The following PML variants were observed in gnomAD, a reference collection of about 807,000 sequenced individuals.
PML encodes the protein PML nuclear body scaffold.
A neutral mutation model predicts 65.2 loss-of-function variants in PML; 28 were observed. That is an observed-to-expected ratio of 0.43 (90% CI 0.32 to 0.59). The LOEUF (loss-of-function observed/expected upper bound fraction) is 0.59. Ranked by LOEUF, PML falls within the 20% of genes least tolerant of loss-of-function variation. The pLI, the probability that PML is intolerant of heterozygous loss-of-function variation, is 0.08. For missense variants in PML, 1,021 were observed against 1,203.4 expected (o/e 0.85, Z 2.24); for synonymous variants, 500 against 508.8 (o/e 0.98, Z 0.23).
Position 74,032,561 on chromosome 15 carries a change from C to T in PML, c.1255-11C>T. The T allele has an allele frequency of 6.2e-7, 1 of 1,614,008 alleles. No homozygotes were observed. Among genetic ancestry groups the T allele is most frequent in the Non-Finnish European group, 8.5e-7 (1 of 1,179,956 alleles). On this transcript the variant is annotated splice_polypyrimidine_tract_variant and intron_variant, in intron 4 of 8. Transcript: ENST00000268058. ...CTAGTCATTTCTGACTCAATTTTCC[C>T]AACTTTGCAGCCCGAGGAGGCAGAG...
intron 7 of PML, chr15:74,036,094 G>T (rs777515480): frequency 6.2e-7 from 1 of 1,613,576 alleles, no homozygotes; most frequent in Non-Finnish European, 8.5e-7. Context: ...CGAATGAATG[G>T]CTATGCATGG....
At chr15:74,041,836 A>G (rs1260397278) in intron 7 of PML, among the ~76,000 whole-genome samples, 1 of 152,248 alleles carries the variant, frequency 6.6e-6, no homozygotes, top group Non-Finnish European at 1.5e-5. Flanking sequence ...CTTTAGCACC[A>G]GGTGACACCA....
chr15:74,021,972 T>C (rs2070854790), intron 2 of PML, among the ~76,000 whole-genome samples: 1 of 152,224 alleles, frequency 6.6e-6, no homozygotes, highest in African/African-American at 2.4e-5. Context: ...CTTTCTTTTT[T>C]TTGAGACGGA....
At chr15:74,033,767 A>C (rs554181762) in intron 6 of PML, 3 of 589,896 alleles carry the variant, frequency 5.1e-6, no homozygotes, top group African/African-American at 3.7e-5. Flanking sequence ...ATAACAGGAA[A>C]CTGGACTCCC....
Position 74,033,404 on chromosome 15 carries a change from C to A in PML, c.1647C>A (p.Ala549=). 1 of 1,612,232 alleles carries A rather than the reference C, an allele frequency of 6.2e-7. No homozygotes were observed. Among genetic ancestry groups the A allele is most frequent in the Non-Finnish European group, 8.5e-7 (1 of 1,178,652 alleles). The part of the protein sequence containing the change: ...LPNSNHVASG[A]GEAEERVVVI... Reference sequence around the variant, plus strand: ...ACAGCAACCACGTGGCCAGTGGCGCCGGGGAGGCAGGTAGGGAGGTGGGTA... The same window carrying A: ...ACAGCAACCACGTGGCCAGTGGCGCAGGGGAGGCAGGTAGGGAGGTGGGTA... The change falls in exon 6 of 9, where the codon GCC becomes GCA. Residue 549 remains alanine, a synonymous_variant. Coordinates refer to ENST00000268058, the MANE Select transcript of PML (RefSeq NM_033238.3).
intron 4 of PML, chr15:74,026,473 A>T (rs1273868993): frequency 6.6e-6 from 1 of 151,770 alleles, no homozygotes; most frequent in Non-Finnish European, 1.5e-5. Context: ...CCCAGCCTAA[A>T]AGCTGACTCT....
intron 2 of PML, among the ~76,000 whole-genome samples, chr15:74,022,256 C>T (rs1306186177): frequency 6.6e-6 from 1 of 152,194 alleles, no homozygotes; most frequent in African/African-American, 2.4e-5. Flanking sequence ...CGCGCCCGGC[C>T]GATTTCTTTC....
In PML at chr15:74,035,593, A is replaced by G; in HGVS notation, c.1710+1063A>G. The G allele has an allele frequency of 6.2e-7, 1 of 1,612,638 alleles. No individual in the cohort carries two copies. Among genetic ancestry groups the G allele is most frequent in the Non-Finnish European group, 8.5e-7 (1 of 1,179,960 alleles). The stretch of plus-strand genomic sequence containing the variant: ...AACCATCCTGCCAATGCCCAGGAAC[A>G]TCCTGCCCAGCTGCAAAGGGGCATC... On this transcript the variant is annotated intron_variant, in intron 7 of 8. Coordinates refer to ENST00000268058, the MANE Select transcript of PML (RefSeq NM_033238.3). The surrounding 1 kb of genome is among the most constrained non-coding windows in gnomAD (Gnocchi z 4.1).
intron 2 of PML, among the ~76,000 whole-genome samples, chr15:73,999,314 G>T (rs149004276): frequency 6.6e-6 from 1 of 152,190 alleles, no homozygotes; most frequent in African/African-American, 2.4e-5. Context: ...CATAGAAGGC[G>T]CTTCTTGGTT....
At chr15:74,034,970 C>T in intron 7 of PML, 1 of 1,478,388 alleles carries the variant, frequency 6.8e-7, no homozygotes, top group African/African-American at 1.4e-5. Context: ...TGACTCCATC[C>T]ATGTAGAAAG....
intron 7 of PML, chr15:74,036,098 T>C (rs770985567): frequency 3.1e-6 from 5 of 1,613,456 alleles, no homozygotes; most frequent in East Asian, 2.2e-5. Flanking sequence ...TGAATGGCTA[T>C]GCATGGACCT....
intron 7 of PML, among the ~76,000 whole-genome samples, chr15:74,040,694 A>G (rs2071676494): frequency 6.6e-6 from 1 of 152,246 alleles, no homozygotes; most frequent in African/African-American, 2.4e-5. Context: ...CAGTGAGACC[A>G]GCTCCATGGG....
rs2071784990 is a variant in PML at position 74,047,770 on chromosome 15, T to C, written c.*2762T>C. 1 of 182,698 alleles carries C rather than the reference T, an allele frequency of 5.5e-6. No individual in the cohort carries two copies. Among genetic ancestry groups the C allele is most frequent in the Non-Finnish European group, 1.2e-5 (1 of 85,886 alleles). 11.3% of individuals were successfully genotyped at this position (182,698 alleles called of 1,614,324 possible). On this transcript the variant is annotated 3_prime_UTR_variant, in exon 9 of 9. Coordinates refer to ENST00000268058, the MANE Select transcript of PML (RefSeq NM_033238.3). The stretch of plus-strand genomic sequence containing the variant: ...TTTAAGATCTTACTGCTTTATAAAG[T>C]GCTTTATGAATTATAGGAAAATAAA...
chr15:74,030,827 G>C (rs955397421), intron 4 of PML, among the ~76,000 whole-genome samples: 30 of 151,874 alleles, frequency 2.0e-4, no homozygotes, highest in Admixed American at 1.8e-3. Flanking sequence ...TTTTTATGGC[G>C]ATAAAATTCA....
rs536738558 is a variant in PML at position 74,010,185 on chromosome 15, A to ATT, written c.602+11736_602+11737dup. Among the ~76,000 whole-genome samples the ATT allele has an allele frequency of 3.9e-3, 305 of 77,922 alleles. 15 individuals carry two copies. Among genetic ancestry groups the ATT allele is most frequent in the Middle Eastern group, 8.1e-3 (1 of 124 alleles). 51.1% of individuals were successfully genotyped at this position (77,922 alleles called of 152,430 possible). On this transcript the variant is annotated intron_variant, in intron 2 of 8. Transcript: ENST00000268058. ...AGACATGCACCACCATGCCCAGCTAATTTTTTTTTTTTTTTTTTTTTTTTT... is the reference window on the plus strand; with the variant it reads ...AGACATGCACCACCATGCCCAGCTAATTTTTTTTTTTTTTTTTTTTTTTTTTT...
chr15:74,027,613 C>T (rs965977146), intron 4 of PML: 5 of 152,216 alleles, frequency 3.3e-5, no homozygotes, highest in African/African-American at 1.2e-4. Flanking sequence ...GGTCCACAGA[C>T]TCAGCTGTCT....
intron 2 of PML, among the ~76,000 whole-genome samples, chr15:74,007,798 GTAGAAAT>G (rs1567121527): frequency 6.6e-6 from 1 of 152,180 alleles, no homozygotes; most frequent in African/African-American, 2.4e-5. Context: ...AGGGGGTGGG[GTAGAAAT>G]ATGAATGGAC....
At chr15:73,995,009 G>T in intron 1 of PML, 68 bp downstream of exon 1, 4 of 1,389,898 alleles carry the variant, frequency 2.9e-6, no homozygotes, top group Non-Finnish European at 3.9e-6. Context: ...GAGGCGGGAA[G>T]AGAGGGTCTA....
At chr15:74,033,824 A>G in intron 6 of PML, 1 of 514,536 alleles carries the variant, frequency 1.9e-6, no homozygotes, top group Non-Finnish European at 3.4e-6. Context: ...CATTTCCCCA[A>G]GTGTTTCTGC....
Sources: gnomAD v4.1 joint callset for allele counts (sites outside exome capture counted in the v4.1 genomes callset) on GRCh38, gnomAD v4.1.1 for gene constraint, Gnocchi (gnomAD v3.1) non-coding constraint, MANE v1.5 for transcripts, NCBI Gene and HGNC (gene_info 2026-07-23, HGNC 2026-07-21) for gene names.